Variants in PPP6C observed in about 807,000 individuals in gnomAD.
PPP6C encodes the protein protein phosphatase 6 catalytic subunit.
Under a neutral mutation model 39.8 loss-of-function variants are expected in PPP6C, and 11 were observed. That is an observed-to-expected ratio of 0.28 (90% confidence interval 0.17 to 0.46). PPP6C has a LOEUF of 0.46. Among genes scored for constraint, PPP6C ranks in the 20% least tolerant of loss-of-function variants. The pLI is 1.00. For missense variants in PPP6C, 211 were observed against 373.9 expected (o/e 0.56, Z 3.59); for synonymous variants, 129 against 130.3 (o/e 0.99, Z 0.07).
intron 5 of PPP6C, 35 bp downstream of exon 5, chr9:125,153,871 G>T: frequency 6.4e-7 from 1 of 1,553,604 alleles, no homozygotes; most frequent in East Asian, 2.2e-5. Context: ...GTTATTGGCA[G>T]GAACGTACAT....
At chr9:125,174,727 T>G (rs56331343) in intron 1 of PPP6C, among the ~76,000 whole-genome samples, 3 of 151,570 alleles carry the variant, frequency 2.0e-5, no homozygotes. Context: ...CTAGCCAACA[T>G]AGCAAAACCC....
intron 4 of PPP6C, among the ~76,000 whole-genome samples, chr9:125,155,561 T>C (rs1478563850): frequency 6.6e-6 from 1 of 152,194 alleles, no homozygotes; most frequent in Non-Finnish European, 1.5e-5. Context: ...ATTTTATTCC[T>C]TGAAAATCAA....
rs560299451 is a variant in PPP6C, at chr9:125,166,591, G to A, written c.171+4494C>T. Reference sequence around the variant, plus strand: ...TCTGTCACCCAGGCTGGAGTGCAATGGTGAGATCTCAGCTTACTGCAACAT... The same window carrying A: ...TCTGTCACCCAGGCTGGAGTGCAATAGTGAGATCTCAGCTTACTGCAACAT... On this transcript the variant is annotated intron_variant, in intron 2 of 6. Coordinates refer to ENST00000373547, the MANE Select transcript of PPP6C (RefSeq NM_002721.5). Among the ~76,000 whole-genome samples, 24 of 145,828 alleles carry A rather than the reference G, an allele frequency of 1.6e-4. No individual in the cohort carries two copies. In the South Asian group the frequency reaches 5.2e-3, roughly 31 times the overall value.
rs1292294372 is a variant in PPP6C at position 125,153,800 on chromosome 9, T to C, written c.460-58A>G. The C allele has an allele frequency of 3.9e-6, 6 of 1,547,920 alleles. No individual in the cohort carries two copies. In the African/African-American group the frequency reaches 5.5e-5, roughly 14 times the overall value. On this transcript the variant is annotated intron_variant, in intron 5 of 6. Coordinates refer to ENST00000373547, the MANE Select transcript of PPP6C (RefSeq NM_002721.5). ...ATAACCTCAGGCATATCTAAACTCA[T>C]CAGTGAATACTAAAGATATCAATAT... is the stretch of plus-strand genomic sequence containing the variant.
chr9:125,174,635 C>T (rs1829254945), intron 1 of PPP6C, among the ~76,000 whole-genome samples: 2 of 151,540 alleles, frequency 1.3e-5, no homozygotes, highest in South Asian at 2.1e-4. Flanking sequence ...ACAGGCCAGC[C>T]GTGGTGGCTC....
In PPP6C at chr9:125,189,740, CAACAGCGGCGGCGGCGGCTGT is replaced by C. The variant is rs1829625457; in HGVS notation, c.-43_-23del. 6.4e-7 allele frequency: 1 copy of C among 1,564,188 alleles called. No homozygotes were observed. Among genetic ancestry groups the C allele is most frequent in the Non-Finnish European group, 8.6e-7 (1 of 1,160,028 alleles). ...CCATTTTAAGAATAACAAGCCGCGG[CAACAGCGGCGGCGGCGGCTGT>C]AGCAGCGGCGGCGGCAGCGGCGGAG... On this transcript the variant is annotated 5_prime_UTR_variant, in exon 1 of 7. Coordinates refer to ENST00000373547, the MANE Select transcript of PPP6C (RefSeq NM_002721.5).
intron 1 of PPP6C, among the ~76,000 whole-genome samples, chr9:125,177,185 T>G (rs1017963136): frequency 2.6e-5 from 4 of 151,030 alleles, no homozygotes; most frequent in African/African-American, 9.7e-5. Flanking sequence ...CCATCCTGGC[T>G]AACACAATGA....
chr9:125,188,905 A>G, intron 1 of PPP6C: 1 of 1,546,976 alleles, frequency 6.5e-7, no homozygotes, highest in Non-Finnish European at 8.7e-7. Flanking sequence ...ACTCAGGAGT[A>G]ACAAGGAACT....
At chr9:125,188,766 AGAGT>A (rs978543515) in intron 1 of PPP6C, among the ~76,000 whole-genome samples, 6 of 148,698 alleles carry the variant, frequency 4.0e-5, no homozygotes, top group South Asian at 2.1e-4. Context: ...CCTGGGTGAC[AGAGT>A]GAGACTCTAT....
chr9:125,163,414 T>C (rs558375378), intron 2 of PPP6C, among the ~76,000 whole-genome samples: 1 of 152,262 alleles, frequency 6.6e-6, no homozygotes, highest in South Asian at 2.1e-4. Flanking sequence ...TCTATTGATG[T>C]TTACAGATAT....
chr9:125,174,455 T>C (rs1298493789), intron 1 of PPP6C, among the ~76,000 whole-genome samples: 3 of 150,130 alleles, frequency 2.0e-5, no homozygotes, highest in Non-Finnish European at 3.0e-5. Context: ...GATCTTAAAA[T>C]AGCACCTCAA....
In PPP6C at chr9:125,154,137, C is replaced by CA; in HGVS notation, c.380-153dup. 4 of 627,204 alleles carry CA rather than the reference C, an allele frequency of 6.4e-6. No homozygotes were observed. The South Asian group carries it at 8.1e-5, about 13-fold the overall frequency. The allele number at this position is 627,204 out of a possible 1,614,324, so 38.9% of individuals were successfully genotyped here. ...ATATTTAGTCCTGCTAGGACCTCCA[C>CA]ATAGAGCCAAAAGAACGCTAGTGAC... On this transcript the variant is annotated intron_variant, in intron 4 of 6. Coordinates refer to ENST00000373547, the MANE Select transcript of PPP6C (RefSeq NM_002721.5).
chr9:125,177,136 G>A (rs1201203937), intron 1 of PPP6C, among the ~76,000 whole-genome samples: 3 of 151,280 alleles, frequency 2.0e-5, no homozygotes, highest in Non-Finnish European at 4.4e-5. Flanking sequence ...GCACTTTGGG[G>A]GGTCGAGGCA....
chr9:125,158,386 T>C lies in PPP6C; in HGVS notation c.238-4A>G. On this transcript the variant is annotated splice_polypyrimidine_tract_variant and splice_region_variant and intron_variant, in intron 3 of 6. Transcript: ENST00000373547. ...AACCTCTGTCTACAAAATCACCCTGTGAAGTAAAAGTTTACAGTTACAAAC... is the reference window on the plus strand; with the variant it reads ...AACCTCTGTCTACAAAATCACCCTGCGAAGTAAAAGTTTACAGTTACAAAC... 1 of 1,612,170 alleles carries C rather than the reference T, an allele frequency of 6.2e-7. No homozygotes were observed. Among genetic ancestry groups the C allele is most frequent in the Non-Finnish European group, 8.5e-7 (1 of 1,179,010 alleles).
chr9:125,172,591 G>C (rs1478445431), intron 1 of PPP6C, among the ~76,000 whole-genome samples: 1 of 152,134 alleles, frequency 6.6e-6, no homozygotes, highest in Non-Finnish European at 1.5e-5. Context: ...TTGCAGGAAG[G>C]AAGTGGGTGT....
chr9:125,159,737 C>T (rs926404497), intron 3 of PPP6C, among the ~76,000 whole-genome samples: 3 of 152,156 alleles, frequency 2.0e-5, no homozygotes, highest in Non-Finnish European at 2.9e-5. Flanking sequence ...AAGTGGCCGG[C>T]GTGGTGGCTC....
At chr9:125,188,983 A>G (rs1320878465) in intron 1 of PPP6C, 2 of 1,488,952 alleles carry the variant, frequency 1.3e-6, no homozygotes, top group African/African-American at 1.4e-5. Flanking sequence ...AAGTATTTGT[A>G]TTTATTGAGA....
Position 125,181,582 on chromosome 9 carries a change from G to A in PPP6C, c.75+8062C>T, listed in dbSNP as rs545026259. 3.2e-4 allele frequency among the ~76,000 whole-genome samples: 49 copies of A among 152,200 alleles called. No homozygotes were observed. In the South Asian group the frequency reaches 5.4e-3, roughly 17 times the overall value. On this transcript the variant is annotated intron_variant, in intron 1 of 6. Transcript: ENST00000373547. ...CTCCCGCTTACGAGTGAGAACATGC[G>A]GTGTTTCGTTTTCTGTTCCTGTGTT...
At chr9:125,171,399 GAGAC>G (rs1165628819) in intron 1 of PPP6C, among the ~76,000 whole-genome samples, 6 of 146,782 alleles carry the variant, frequency 4.1e-5, no homozygotes, top group East Asian at 2.0e-4. Context: ...AAGGTTCTAG[GAGAC>G]AGACAGCTTT....
Sources: gnomAD v4.1 joint callset for allele counts (sites outside exome capture counted in the v4.1 genomes callset) on GRCh38, gnomAD v4.1.1 for gene constraint, MANE v1.5 for transcripts, NCBI Gene and HGNC (gene_info 2026-07-23, HGNC 2026-07-21) for gene names.